The following GALNT18 variants were observed in gnomAD, a reference collection of about 807,000 sequenced individuals.
GALNT18 encodes polypeptide N-acetylgalactosaminyltransferase 18.
GALNT18 carries 44 observed loss-of-function variants against 69.5 expected under a neutral mutation model. The observed-to-expected ratio is 0.63, with a 90% CI of 0.50 to 0.81. The LOEUF is 0.81. GALNT18 is among the 40% of genes least tolerant of loss of function. The pLI is 0.00. For synonymous variants in GALNT18, 364 were observed against 318.2 expected (o/e 1.14, Z -1.53); for missense variants, 715 against 810.0 (o/e 0.88, Z 1.42).
At chr11:11,458,298 G>A (rs4910007) in intron 1 of GALNT18, among the ~76,000 whole-genome samples, 3 of 151,734 alleles carry the variant, frequency 2.0e-5, no homozygotes, top group Admixed American at 6.6e-5. Flanking sequence ...TCATAAAGAA[G>A]GTTTTCCTTT....
rs1854557076 is a variant in GALNT18 at position 11,404,973 on chromosome 11, AAC to A, written c.596-25711_596-25710del. Among the ~76,000 whole-genome samples the A allele has an allele frequency of 6.6e-6, 1 of 152,178 alleles. No homozygotes were observed. The highest frequency in any genetic ancestry group is 1.5e-5 in the Non-Finnish European group (1 of 68,028). On this transcript the variant is annotated intron_variant, in intron 3 of 10. Transcript: ENST00000227756. This position sits in a 1 kb window ranked among gnomAD's most constrained non-coding sequence, Gnocchi z 4.5. ...CCTGTCATGGGGGAACAGATGAAGC[AAC>A]AGAGCTGCTTTGCTGTGCTCTGTGT...
chr11:11,610,315 G>C (rs1393541865), intron 1 of GALNT18, among the ~76,000 whole-genome samples: 1 of 152,166 alleles, frequency 6.6e-6, no homozygotes, highest in East Asian at 1.9e-4. Flanking sequence ...TCTGTTACTA[G>C]CAGCTGAACC....
In GALNT18 at chr11:11,382,658, A is replaced by G. The variant is rs1853948491; in HGVS notation, c.596-3394T>C. 6.6e-6 allele frequency among the ~76,000 whole-genome samples: 1 copy of G among 152,202 alleles called. No homozygotes were observed. The highest frequency in any genetic ancestry group is 1.5e-5 in the Non-Finnish European group (1 of 68,024). ...TATAATGACTAATCACAAAGATTTT[A>G]TCAGGATTTTTGCTGCCCTATCTTT... On this transcript the variant is annotated intron_variant, in intron 3 of 10. Coordinates refer to ENST00000227756, the MANE Select transcript of GALNT18 (RefSeq NM_198516.3). The surrounding 1 kb of genome is among the most constrained non-coding windows in gnomAD (Gnocchi z 4.3).
intron 7 of GALNT18, among the ~76,000 whole-genome samples, chr11:11,335,899 C>A (rs1850103416): frequency 6.6e-6 from 1 of 152,250 alleles, no homozygotes; most frequent in Admixed American, 6.5e-5. Context: ...TCTGCTGGCA[C>A]CTGAATGTTA....
At chr11:11,493,782 T>G (rs1464894811) in intron 1 of GALNT18, among the ~76,000 whole-genome samples, 1 of 152,186 alleles carries the variant, frequency 6.6e-6, no homozygotes, top group Non-Finnish European at 1.5e-5. Flanking sequence ...CGGAGATTTA[T>G]TTCCATCCCT....
At chr11:11,559,521 G>A (rs182291539) in intron 1 of GALNT18, among the ~76,000 whole-genome samples, 1 of 152,320 alleles carries the variant, frequency 6.6e-6, no homozygotes, top group Admixed American at 6.5e-5. Context: ...AGAGGGATGG[G>A]ATAGGATGGG....
At position 11,372,634 on chromosome 11, in the gene GALNT18, A is replaced by G; in HGVS notation, c.978-5T>C. Reference sequence around the variant, plus strand: ...CAGCCAATGAGGGCAGGGCTCCTGCAGGGGCAGGGGAGAGCAGAAGGGCTG... The same window carrying G: ...CAGCCAATGAGGGCAGGGCTCCTGCGGGGGCAGGGGAGAGCAGAAGGGCTG... On this transcript the variant is annotated splice_region_variant and splice_polypyrimidine_tract_variant and intron_variant, in intron 5 of 10. Transcript: ENST00000227756. The surrounding 1 kb of genome is among the most constrained non-coding windows in gnomAD (Gnocchi z 4.9). The G allele has an allele frequency of 9.3e-6, 15 of 1,612,684 alleles. No homozygotes were observed. Among genetic ancestry groups the G allele is most frequent in the Non-Finnish European group, 8.5e-6 (10 of 1,178,864 alleles).
intron 3 of GALNT18, among the ~76,000 whole-genome samples, chr11:11,401,060 T>C (rs10765846): frequency 0.81 from 123,552 of 151,994 alleles, 50,999 homozygotes; most frequent in Non-Finnish European, 0.9. Context: ...TGAGACGAGA[T>C]CAGGGGAAGA....
chr11:11,432,585 A>C lies in GALNT18; in HGVS notation c.595+36T>G, dbSNP rs754865060. 6.4e-7 allele frequency: 1 copy of C among 1,570,794 alleles called. No individual in the cohort carries two copies. The highest frequency in any genetic ancestry group is 1.2e-5 in the South Asian group (1 of 85,988). On this transcript the variant is annotated intron_variant, in intron 3 of 10. Transcript: ENST00000227756. This position sits in a 1 kb window ranked among gnomAD's most constrained non-coding sequence, Gnocchi z 5.8. ...CCATCAGCTTAGATGTCAGCCAGGA[A>C]GTAGGGCCTGGGCCCTGGGAAGCTC...
At position 11,469,419 on chromosome 11, in the gene GALNT18, T is replaced by C. The variant is rs1237337321; in HGVS notation, c.236-20483A>G. On this transcript the variant is annotated intron_variant, in intron 1 of 10. Coordinates refer to ENST00000227756, the MANE Select transcript of GALNT18 (RefSeq NM_198516.3). This position sits in a 1 kb window ranked among gnomAD's most constrained non-coding sequence, Gnocchi z 4.2. ...TGGCTATGTCTTTTACAGGGTCCAGTACAGATCTCCATGGCAGAGACAGGC... is the reference window on the plus strand; with the variant it reads ...TGGCTATGTCTTTTACAGGGTCCAGCACAGATCTCCATGGCAGAGACAGGC... Among the ~76,000 whole-genome samples, 1 of 152,200 alleles carries C rather than the reference T, an allele frequency of 6.6e-6. No homozygotes were observed. The highest frequency in any genetic ancestry group is 1.5e-5 in the Non-Finnish European group (1 of 68,030).
At chr11:11,393,537 T>C (rs186548532) in intron 3 of GALNT18, among the ~76,000 whole-genome samples, 2 of 152,390 alleles carry the variant, frequency 1.3e-5, no homozygotes, top group African/African-American at 4.8e-5. Context: ...GCCCAGGCCA[T>C]GTGGGCTTCC....
Position 11,602,917 on chromosome 11 carries a change from A to T in GALNT18, c.235+18442T>A, listed in dbSNP as rs999429697. Among the ~76,000 whole-genome samples, 2 of 152,196 alleles carry T rather than the reference A, an allele frequency of 1.3e-5. No individual in the cohort carries two copies. The highest frequency in any genetic ancestry group is 2.9e-5 in the Non-Finnish European group (2 of 68,040). On this transcript the variant is annotated intron_variant, in intron 1 of 10. Transcript: ENST00000227756. The surrounding 1 kb of genome is among the most constrained non-coding windows in gnomAD (Gnocchi z 4.7). The stretch of plus-strand genomic sequence containing the variant: ...GGTACAGGAGTCAAAATGGGTGGTA[A>T]ACTTGGGAAATACTAGAATTTATGA...
At chr11:11,391,325 A>G (rs570344550) in intron 3 of GALNT18, among the ~76,000 whole-genome samples, 2 of 152,374 alleles carry the variant, frequency 1.3e-5, no homozygotes, top group South Asian at 4.1e-4. Flanking sequence ...TGATCACTCT[A>G]TTAGGTAAGT....
intron 10 of GALNT18, among the ~76,000 whole-genome samples, chr11:11,281,248 C>A (rs1023168023): frequency 1.3e-5 from 2 of 151,872 alleles, no homozygotes; most frequent in Non-Finnish European, 2.9e-5. Context: ...GCTTTCCTGG[C>A]GGTTAGCTGT....
rs1037803054 is a variant in GALNT18, at chr11:11,505,695, T to C, written c.236-56759A>G. Among the ~76,000 whole-genome samples the C allele has an allele frequency of 2.0e-5, 3 of 152,228 alleles. No homozygotes were observed. Among genetic ancestry groups the C allele is most frequent in the Admixed American group, 1.3e-4 (2 of 15,270 alleles). On this transcript the variant is annotated intron_variant, in intron 1 of 10. Transcript: ENST00000227756. This position sits in a 1 kb window ranked among gnomAD's most constrained non-coding sequence, Gnocchi z 4.6. Reference sequence around the variant, plus strand: ...TTCAGAAGTCCCCATTCTGATTTAATACCACACTCGCTTCCTCCTGCAAAC... The same window carrying C: ...TTCAGAAGTCCCCATTCTGATTTAACACCACACTCGCTTCCTCCTGCAAAC...
chr11:11,358,140 G>T (rs947299917), intron 6 of GALNT18, among the ~76,000 whole-genome samples: 1 of 92,404 alleles, frequency 1.1e-5, no homozygotes, highest in East Asian at 2.0e-4. Flanking sequence ...CACATAGAGG[G>T]CACCTGATCC....
chr11:11,371,271 C>G (rs2133673383), intron 6 of GALNT18, among the ~76,000 whole-genome samples: 1 of 152,310 alleles, frequency 6.6e-6, no homozygotes, highest in East Asian at 1.9e-4. Context: ...CCAATCTCCC[C>G]TTTAGGTCAG....
At chr11:11,483,362 T>C (rs1196458708) in intron 1 of GALNT18, among the ~76,000 whole-genome samples, 1 of 152,212 alleles carries the variant, frequency 6.6e-6, no homozygotes, top group Non-Finnish European at 1.5e-5. Flanking sequence ...ATAGCACAGC[T>C]TTCATCAGAC....
rs1052862034 is a variant in GALNT18 at position 11,413,317 on chromosome 11, G to C, written c.595+19304C>G. Among the ~76,000 whole-genome samples, 13 of 152,172 alleles carry C rather than the reference G, an allele frequency of 8.5e-5. No homozygotes were observed. Among genetic ancestry groups the C allele is most frequent in the Non-Finnish European group, 2.9e-5 (2 of 68,050 alleles). ...TGCACTGAGTGGCCCTGGAGGGGAA[G>C]CAATAGTCTGGCCAAACATCCCTCT... On this transcript the variant is annotated intron_variant, in intron 3 of 10. Transcript: ENST00000227756. This position sits in a 1 kb window ranked among gnomAD's most constrained non-coding sequence, Gnocchi z 4.7.
Sources: allele counts gnomAD v4.1 joint callset (sites outside exome capture counted in the v4.1 genomes callset), GRCh38; gene constraint gnomAD v4.1.1; non-coding constraint Gnocchi (gnomAD v3.1); transcripts MANE v1.5; gene names NCBI Gene and HGNC (gene_info 2026-07-23, HGNC 2026-07-21).